Variants in CTNNA2 observed in about 807,000 individuals in gnomAD.
CTNNA2 encodes the protein catenin alpha 2.
A neutral mutation model predicts 101.0 loss-of-function variants in CTNNA2; 42 were observed. The observed-to-expected ratio is 0.42, with a 90% confidence interval of 0.32 to 0.54. CTNNA2 has a LOEUF of 0.54. Ranked by LOEUF, CTNNA2 falls within the 20% of genes least tolerant of loss-of-function variation. CTNNA2 has a pLI of 0.14. For synonymous variants in CTNNA2, 450 were observed against 456.4 expected (o/e 0.99, Z 0.18); for missense variants, 871 against 1,223.1 (o/e 0.71, Z 4.29).
At chr2:79,313,458 A>G (rs1409994797) in intron 3 of CTNNA2, among the ~76,000 whole-genome samples, 2 of 152,148 alleles carry the variant, frequency 1.3e-5, no homozygotes, top group African/African-American at 4.8e-5. Context: ...TATAGTTACT[A>G]TTTCTTTTAG....
intron 3 of CTNNA2, among the ~76,000 whole-genome samples, chr2:79,793,671 C>A (rs1276641898): frequency 6.6e-6 from 1 of 152,020 alleles, no homozygotes; most frequent in Non-Finnish European, 1.5e-5. Flanking sequence ...GATCGAAGAC[C>A]CATATGGATA....
At chr2:79,544,550 A>G (rs1673616277) in intron 1 of CTNNA2, among the ~76,000 whole-genome samples, 1 of 152,184 alleles carries the variant, frequency 6.6e-6, no homozygotes, top group African/African-American at 2.4e-5. Context: ...AAATTTGTGT[A>G]ACTGATAAAG....
chr2:80,443,844 G>T (rs2149445611), intron 9 of CTNNA2, among the ~76,000 whole-genome samples: 1 of 152,232 alleles, frequency 6.6e-6, no homozygotes, highest in South Asian at 2.1e-4. Context: ...AAAATCTCTG[G>T]GACAGAAAAG....
intron 2 of CTNNA2, among the ~76,000 whole-genome samples, chr2:79,693,303 AT>A (rs5832399): frequency 2.0e-5 from 3 of 151,690 alleles, no homozygotes; most frequent in Non-Finnish European, 4.4e-5. Context: ...TTTCATTAAG[AT>A]TTTTTATAAC....
At chr2:79,411,303 A>G (rs1235513173) in intron 4 of CTNNA2, among the ~76,000 whole-genome samples, 1 of 151,384 alleles carries the variant, frequency 6.6e-6, no homozygotes, top group African/African-American at 2.4e-5. Context: ...TATTTCCTTC[A>G]GTTCTGCTCT....
At chr2:80,570,813 G>A (rs1403561336) in intron 12 of CTNNA2, among the ~76,000 whole-genome samples, 1 of 152,048 alleles carries the variant, frequency 6.6e-6, no homozygotes, top group South Asian at 2.1e-4. Flanking sequence ...TAACACTGTT[G>A]TTTATACCAA....
chr2:79,625,530 C>T (rs373619225), intron 1 of CTNNA2, among the ~76,000 whole-genome samples: 52 of 152,242 alleles, frequency 3.4e-4, no homozygotes, highest in East Asian at 2.7e-3. Context: ...TTGTATGCCT[C>T]GCATGCAGAT....
chr2:80,131,810 G>A (rs146279367), intron 7 of CTNNA2, among the ~76,000 whole-genome samples: 2 of 152,296 alleles, frequency 1.3e-5, no homozygotes, highest in African/African-American at 4.8e-5. Flanking sequence ...GCCGGGCACG[G>A]TGGCTCATGC....
chr2:79,218,558 C>T (rs989278422), intron 2 of CTNNA2, among the ~76,000 whole-genome samples: 25 of 152,042 alleles, frequency 1.6e-4, no homozygotes, highest in African/African-American at 6.0e-4. Context: ...TCGGAAGAGA[C>T]TCTCATTTAG....
At chr2:80,018,779 TA>T (rs11374204) in intron 7 of CTNNA2, among the ~76,000 whole-genome samples, 4,158 of 123,900 alleles carry the variant, frequency 0.034, 79 homozygotes, top group Middle Eastern at 0.052. Flanking sequence ...AGACTCTGTG[TA>T]AAAAAAAAAA....
chr2:80,642,071 G>A (rs1573547767), intron 18 of CTNNA2, among the ~76,000 whole-genome samples: 1 of 151,990 alleles, frequency 6.6e-6, no homozygotes, highest in African/African-American at 2.4e-5. Context: ...CTCAAACTCG[G>A]TATGTCCAAA....
At chr2:79,820,583 G>T (rs1231509475) in intron 3 of CTNNA2, among the ~76,000 whole-genome samples, 1 of 152,134 alleles carries the variant, frequency 6.6e-6, no homozygotes, top group African/African-American at 2.4e-5. Flanking sequence ...CTAACTTAAT[G>T]TGTATGCATA....
intron 2 of CTNNA2, chr2:79,687,841 A>G (rs1045312944): frequency 2.5e-6 from 1 of 404,104 alleles, no homozygotes; most frequent in Non-Finnish European, 4.4e-6. Flanking sequence ...GCCCTGATTC[A>G]GTTTTTATTT....
chr2:79,515,844 A>G (rs1375245735), intron 1 of CTNNA2, among the ~76,000 whole-genome samples: 1 of 152,180 alleles, frequency 6.6e-6, no homozygotes, highest in African/African-American at 2.4e-5. Context: ...ATAAAGAGCC[A>G]ATAGAAGATC....
chr2:80,109,936 T>C (rs1160011454), intron 7 of CTNNA2, among the ~76,000 whole-genome samples: 3 of 152,212 alleles, frequency 2.0e-5, no homozygotes, highest in Admixed American at 1.3e-4. Flanking sequence ...ATTAATCCTT[T>C]TTTAATCTGA....
intron 1 of CTNNA2, among the ~76,000 whole-genome samples, chr2:79,541,104 C>T (rs577715362): frequency 1.3e-5 from 2 of 151,974 alleles, no homozygotes; most frequent in South Asian, 4.1e-4. Context: ...TGCAATGTAA[C>T]TGTGCTTATC....
At chr2:79,689,356 T>C (rs1684140664) in intron 2 of CTNNA2, among the ~76,000 whole-genome samples, 1 of 151,992 alleles carries the variant, frequency 6.6e-6, no homozygotes, top group Non-Finnish European at 1.5e-5. Flanking sequence ...CACAAGACTC[T>C]GGGCTTTTAT....
intron 12 of CTNNA2, among the ~76,000 whole-genome samples, chr2:80,564,745 A>G (rs532403098): frequency 6.6e-6 from 1 of 152,326 alleles, no homozygotes; most frequent in South Asian, 2.1e-4. Flanking sequence ...ATGCAGGAAG[A>G]ATTGGGACTG....
chr2:79,473,094 C>A (rs11887972), intron 4 of CTNNA2, among the ~76,000 whole-genome samples: 1 of 151,986 alleles, frequency 6.6e-6, no homozygotes, highest in Non-Finnish European at 1.5e-5. Context: ...ACATTCTGTT[C>A]ATGATTACTT....
Sources: gnomAD v4.1 joint callset for allele counts (sites outside exome capture counted in the v4.1 genomes callset) on GRCh38, gnomAD v4.1.1 for gene constraint, MANE v1.5 for transcripts, NCBI Gene and HGNC (gene_info 2026-07-23, HGNC 2026-07-21) for gene names.